The following GMNN variants were observed in gnomAD, a reference collection of about 807,000 sequenced individuals.
The protein encoded by GMNN is geminin.
In GMNN, 14 loss-of-function variants were observed where a neutral mutation model predicts 20.9. That is an observed-to-expected ratio of 0.67 (90% CI 0.44 to 1.05). The LOEUF (loss-of-function observed/expected upper bound fraction) is 1.05. Among genes scored for constraint, GMNN ranks in the 50% least tolerant of loss-of-function variants. The pLI, the probability that GMNN is intolerant of heterozygous loss-of-function variation, is 0.00. For synonymous variants in GMNN, 81 were observed against 85.8 expected, an observed-to-expected ratio of 0.94 and a Z score of 0.31; for missense variants, 227 against 243.8, an observed-to-expected ratio of 0.93 and a Z score of 0.46.
Position 24,784,092 on chromosome 6 carries a change from C to G in GMNN, c.280C>G (p.Pro94Ala). 3 of 1,371,764 alleles carry G rather than the reference C, an allele frequency of 2.2e-6. No homozygotes were observed. The highest frequency in any genetic ancestry group is 3.1e-6 in the Non-Finnish European group (3 of 970,998). The allele number at this position is 1,371,764 out of a possible 1,614,324, so 85.0% of individuals were successfully genotyped here. A position where few individuals can be genotyped will look rare whatever the true frequency, so the allele number is the denominator to read the frequency against. ...TATTTAAAATATTATTTTAGAAAAT[C>G]CATCCTCTCAGTATTGGAAGGAAGT... ...ESFDLMIKEN[P>A]SSQYWKEVAE... The change falls in exon 5 of 7, where the codon CCA becomes GCA. Residue 94 changes from proline (P) to alanine (A), a missense_variant. Transcript: ENST00000230056.
At chr6:24,777,135 A>G in intron 1 of GMNN, 87 bp from the exon 2 acceptor site, 1 of 497,944 alleles carries the variant, frequency 2.0e-6, no homozygotes, top group South Asian at 3.8e-5. Flanking sequence ...GTTCTACTGT[A>G]CAATAGTATA....
chr6:24,781,747 T>G, intron 4 of GMNN, 126 bp downstream of exon 4: 1 of 453,968 alleles, frequency 2.2e-6, no homozygotes, highest in Non-Finnish European at 4.0e-6. Flanking sequence ...TATAAATGTT[T>G]TTGTATGTGA....
At chr6:24,782,064 T>C (rs1335034152) in intron 4 of GMNN, among the ~76,000 whole-genome samples, 2 of 151,644 alleles carry the variant, frequency 1.3e-5, no homozygotes, top group East Asian at 3.9e-4. Context: ...CAGCCTGGGA[T>C]ACAGGGCAAG....
rs779979214 is a variant in GMNN, at chr6:24,777,315, T to C, written c.51+18T>C. On this transcript the variant is annotated intron_variant, in intron 2 of 6. Transcript: ENST00000230056. ...ATATAAAGGTATGTGATTGAATAAC[T>C]TTAATTTTTTTTTGTAGAAAGCATG... The C allele has an allele frequency of 1.0e-6, 1 of 985,836 alleles. No individual in the cohort carries two copies. The highest frequency in any genetic ancestry group is 1.5e-6 in the Non-Finnish European group (1 of 660,308). 61.1% of individuals were successfully genotyped at this position (985,836 alleles called of 1,614,324 possible). A position where few individuals can be genotyped will look rare whatever the true frequency, so the allele number is the denominator to read the frequency against.
chr6:24,777,367 A>C (rs540519340), intron 2 of GMNN, 70 bp downstream of exon 2: 22 of 588,858 alleles, frequency 3.7e-5, no homozygotes, highest in Non-Finnish European at 6.2e-5. Context: ...GACATAATTT[A>C]TCCAAATTTA....
chr6:24,781,785 G>A (rs914777300), intron 4 of GMNN, among the ~76,000 whole-genome samples, 164 bp downstream of exon 4: 2 of 152,094 alleles, frequency 1.3e-5, no homozygotes, highest in South Asian at 4.1e-4. Context: ...TCCATGTGTG[G>A]ATGAAATGTT....
chr6:24,784,365 GT>G, intron 5 of GMNN, 78 bp from the exon 6 acceptor site: 1 of 753,690 alleles, frequency 1.3e-6, no homozygotes, highest in Non-Finnish European at 2.4e-6. Context: ...TGTCCTCCAT[GT>G]TATATACTTG....
At chr6:24,782,277 A>G (rs890344744) in intron 4 of GMNN, among the ~76,000 whole-genome samples, 1 of 152,214 alleles carries the variant, frequency 6.6e-6, no homozygotes, top group Non-Finnish European at 1.5e-5. Context: ...CAATAAAAAT[A>G]TGGATGAAGA....
chr6:24,785,408 G>GTGCTTTTTAAAAA (rs1780325754), intron 6 of GMNN, among the ~76,000 whole-genome samples: 1 of 151,832 alleles, frequency 6.6e-6, no homozygotes, highest in South Asian at 2.1e-4. Flanking sequence ...AATAATTTCA[G>GTGCTTTTTAAAAA]TGCTTTTTAA....
intron 2 of GMNN, among the ~76,000 whole-genome samples, chr6:24,780,074 T>C (rs1257339307): frequency 6.6e-6 from 1 of 152,066 alleles, no homozygotes; most frequent in Non-Finnish European, 1.5e-5. Flanking sequence ...AATGAATCTT[T>C]TTGATTAGGG....
chr6:24,777,183 C>A, intron 1 of GMNN, 39 bp from the exon 2 acceptor site: 2 of 658,962 alleles, frequency 3.0e-6, no homozygotes, highest in South Asian at 2.2e-5. Flanking sequence ...CTAGACTCCA[C>A]CTTCGGGGGT....
At chr6:24,783,850 T>G (rs1189989740) in intron 4 of GMNN, among the ~76,000 whole-genome samples, 1 of 152,064 alleles carries the variant, frequency 6.6e-6, no homozygotes, top group Non-Finnish European at 1.5e-5. Flanking sequence ...CAAAAATCTT[T>G]AATAATCTAG....
intron 4 of GMNN, among the ~76,000 whole-genome samples, chr6:24,782,802 A>G (rs1383297849): frequency 6.6e-6 from 1 of 152,204 alleles, no homozygotes; most frequent in Non-Finnish European, 1.5e-5. Context: ...AAAAATTAAA[A>G]TAACTGCGAA....
In GMNN at chr6:24,785,710, G is replaced by A. The variant is rs781391678; in HGVS notation, c.541G>A (p.Val181Ile). 6.4e-7 allele frequency: 1 copy of A among 1,564,276 alleles called. No homozygotes were observed. Among genetic ancestry groups the A allele is most frequent in the Non-Finnish European group, 8.8e-7 (1 of 1,141,126 alleles). The change falls in exon 7 of 7, where the codon GTT (valine) becomes ATT (isoleucine). Residue 181 changes from valine (V) to isoleucine (I), a missense_variant. Physicochemically the swap from Val to Ile is conservative, Grantham distance 29 (BLOSUM62 3). Transcript: ENST00000230056. Reference protein sequence around the residue: ...NQEFDSEEETVEDSLVEDSEI... With the variant: ...NQEFDSEEETIEDSLVEDSEI... ...GGAATTTGATTCTGAAGAAGAAACTGTTGAGGATTCTCTAGTGGAAGACTC... is the reference window on the plus strand; with the variant it reads ...GGAATTTGATTCTGAAGAAGAAACTATTGAGGATTCTCTAGTGGAAGACTC...
intron 2 of GMNN, 74 bp from the exon 3 acceptor site, chr6:24,780,589 C>A: frequency 1.2e-6 from 1 of 828,268 alleles, no homozygotes; most frequent in Non-Finnish European, 2.1e-6. Context: ...AGTAACACTC[C>A]ATACAGAAAC....
intron 4 of GMNN, among the ~76,000 whole-genome samples, chr6:24,781,900 C>T (rs1004976418): frequency 2.0e-5 from 3 of 152,068 alleles, no homozygotes; most frequent in Non-Finnish European, 2.9e-5. Flanking sequence ...CTAGCCTGGA[C>T]AACACAGTGA....
chr6:24,784,421 T>C (rs768877904), intron 5 of GMNN, 23 bp from the exon 6 acceptor site: 1 of 1,077,966 alleles, frequency 9.3e-7, no homozygotes, highest in South Asian at 1.3e-5. Context: ...TATGGAATAC[T>C]GAACTTTATT....
intron 5 of GMNN, 102 bp from the exon 6 acceptor site, chr6:24,784,342 A>G: frequency 2.8e-6 from 2 of 708,310 alleles, no homozygotes; most frequent in Non-Finnish European, 5.1e-6. Flanking sequence ...TTGAGAGTCA[A>G]TTCTATGCTG....
intron 1 of GMNN, among the ~76,000 whole-genome samples, chr6:24,776,340 C>T (rs1326692103): frequency 6.6e-6 from 1 of 152,070 alleles, no homozygotes; most frequent in African/African-American, 2.4e-5. Context: ...TCAGGTGATC[C>T]GCTTGCCTCG....
Sources: allele counts gnomAD v4.1 joint callset (sites outside exome capture counted in the v4.1 genomes callset), GRCh38; gene constraint gnomAD v4.1.1; transcripts MANE v1.5; gene names NCBI Gene and HGNC (gene_info 2026-07-23, HGNC 2026-07-21).